The following PLCG2 variants were observed in gnomAD, a reference collection of about 807,000 sequenced individuals.
PLCG2 encodes 1-phosphatidylinositol 4,5-bisphosphate phosphodiesterase gamma-2.
In PLCG2, 69 loss-of-function variants were observed where a neutral mutation model predicts 175.6. The observed-to-expected ratio is 0.39, with a 90% CI of 0.32 to 0.48. PLCG2 has a LOEUF of 0.48. Among genes scored for constraint, PLCG2 ranks in the 20% least tolerant of loss-of-function variants. PLCG2 has a pLI of 0.91. For synonymous variants in PLCG2, 827 were observed against 624.0 expected (o/e 1.33, Z -4.85); for missense variants, 1,798 against 1,650.9 (o/e 1.09, Z -1.54).
At chr16:81,866,830 C>T (rs900626072) in intron 5 of PLCG2, among the ~76,000 whole-genome samples, 23 of 152,262 alleles carry the variant, frequency 1.5e-4, no homozygotes, top group African/African-American at 5.3e-4. Context: ...GCTCTGGTAG[C>T]GCCTGTTCCC....
chr16:81,926,858 T>A (rs1245338482), intron 22 of PLCG2, among the ~76,000 whole-genome samples: 1 of 152,218 alleles, frequency 6.6e-6, no homozygotes, highest in Non-Finnish European at 1.5e-5. Flanking sequence ...TAAGATCATG[T>A]GATGGGGGTA....
In PLCG2 at chr16:81,769,700, G is replaced by T. The variant is rs890203631; in HGVS notation, c.-48+13734G>T. On this transcript the variant is annotated intron_variant, in intron 2 of 5. Transcript: ENST00000565054. ...CCGGGCGTAGTGGCGGGCGCCTGTA[G>T]TCCCAGCTACTTGGGAGGCTGAGGC... is the stretch of plus-strand genomic sequence containing the variant. Among the ~76,000 whole-genome samples, 200 of 150,642 alleles carry T rather than the reference G, an allele frequency of 1.3e-3. 1 individual carries two copies. Among genetic ancestry groups the T allele is most frequent in the African/African-American group, 4.3e-3 (178 of 41,270 alleles).
rs571632866 is a variant in PLCG2 at position 81,781,091 on chromosome 16, A to G, written c.-48+1667A>G. 1.4e-4 allele frequency among the ~76,000 whole-genome samples: 21 copies of G among 148,250 alleles called. 1 individual carries two copies. The East Asian group carries it at 5.4e-3, about 38-fold the overall frequency. On this transcript the variant is annotated intron_variant, in intron 1 of 32. Coordinates refer to ENST00000564138, the MANE Select transcript of PLCG2 (RefSeq NM_002661.5). ...TTAATTTAGAAAACAGCAAGAACAC[A>G]AAGAGAAAAATTTGCCCGTTACATC...
At chr16:81,941,425 A>T (rs1910934258) in intron 30 of PLCG2, among the ~76,000 whole-genome samples, 1 of 152,206 alleles carries the variant, frequency 6.6e-6, no homozygotes, top group Admixed American at 6.5e-5. Context: ...ATCTTTAGGC[A>T]GCTCCCCAGA....
At chr16:81,754,534 C>G (rs903594449) in intron 1 of PLCG2, among the ~76,000 whole-genome samples, 3 of 141,352 alleles carry the variant, frequency 2.1e-5, no homozygotes, top group Non-Finnish European at 3.0e-5. Context: ...ATACCTTGTA[C>G]CAAGCTGGGT....
intron 24 of PLCG2, among the ~76,000 whole-genome samples, chr16:81,930,274 A>AT (rs1910445604): frequency 6.6e-6 from 1 of 152,220 alleles, no homozygotes; most frequent in African/African-American, 2.4e-5. Context: ...TATTTGGCAG[A>AT]TAAGTTTCCC....
intron 2 of PLCG2, among the ~76,000 whole-genome samples, chr16:81,773,750 C>T (rs894368266): frequency 2.0e-5 from 3 of 152,118 alleles, no homozygotes; most frequent in African/African-American, 7.2e-5. Context: ...CAGACTCACT[C>T]CTCCACAGCA....
intron 2 of PLCG2, among the ~76,000 whole-genome samples, chr16:81,820,348 G>A (rs1904739443): frequency 1.3e-5 from 2 of 152,046 alleles, no homozygotes; most frequent in Non-Finnish European, 2.9e-5. Flanking sequence ...CCTGCCCCAG[G>A]CCACCCCAAC....
chr16:81,780,849 A>G (rs1910697050), intron 1 of PLCG2, among the ~76,000 whole-genome samples: 1 of 152,186 alleles, frequency 6.6e-6, no homozygotes, highest in Admixed American at 6.5e-5. Flanking sequence ...CAACATGGTG[A>G]AACCCCATCT....
chr16:81,941,881 G>GA (rs1910956660), intron 30 of PLCG2, among the ~76,000 whole-genome samples: 1 of 151,930 alleles, frequency 6.6e-6, no homozygotes, highest in Non-Finnish European at 1.5e-5. Flanking sequence ...ATGTTGGTCT[G>GA]AAAAAAAGTG....
chr16:81,888,758 A>C (rs1908492797), intron 9 of PLCG2, among the ~76,000 whole-genome samples: 1 of 152,206 alleles, frequency 6.6e-6, no homozygotes, highest in Non-Finnish European at 1.5e-5. Flanking sequence ...TCATACTAAC[A>C]AACGTAAAGA....
chr16:81,898,513 A>G (rs1046056324), intron 13 of PLCG2: 1 of 152,174 alleles, frequency 6.6e-6, no homozygotes, highest in Non-Finnish European at 1.5e-5. Context: ...GAGCTGGAAC[A>G]TGGTTAAGGA....
intron 8 of PLCG2, among the ~76,000 whole-genome samples, chr16:81,882,637 ACTC>A (rs1908141795): frequency 6.7e-6 from 1 of 149,178 alleles, no homozygotes; most frequent in African/African-American, 2.5e-5. Context: ...CCTCGCTCCT[ACTC>A]CTCTTTCTTT....
At chr16:81,858,383 C>A in intron 4 of PLCG2, 27 bp downstream of exon 4, 2 of 1,478,062 alleles carry the variant, frequency 1.4e-6, no homozygotes, top group Non-Finnish European at 1.9e-6. Flanking sequence ...TGTTGATTTG[C>A]GTAGTTGCTG....
At chr16:81,875,704 C>G (rs1907748445) in intron 7 of PLCG2, among the ~76,000 whole-genome samples, 1 of 152,176 alleles carries the variant, frequency 6.6e-6, no homozygotes, top group Non-Finnish European at 1.5e-5. Flanking sequence ...CTGATCAAAC[C>G]TGTGAAGTCC....
At chr16:81,939,129 G>A (rs1206325795) in intron 29 of PLCG2, among the ~76,000 whole-genome samples, 1 of 152,094 alleles carries the variant, frequency 6.6e-6, no homozygotes, top group Admixed American at 6.6e-5. Context: ...TTGCCTGCCT[G>A]TAACTCAAGT....
At chr16:81,931,220 C>T (rs551532903) in intron 24 of PLCG2, 1 of 253,430 alleles carries the variant, frequency 3.9e-6, no homozygotes, top group Non-Finnish European at 7.5e-6. Flanking sequence ...AGATCCTTAA[C>T]CTAAGTACAT....
In PLCG2 at chr16:81,883,373, G is replaced by C. The variant is rs766599406; in HGVS notation, c.765+32G>C. ...GCACAAGGTGTGTGGGTGCCTGAGGGAGCTGGCGGGATGCTGCTGGGGACT... is the reference window on the plus strand; with the variant it reads ...GCACAAGGTGTGTGGGTGCCTGAGGCAGCTGGCGGGATGCTGCTGGGGACT... On this transcript the variant is annotated intron_variant, in intron 9 of 32. Transcript: ENST00000564138. 68 of 1,566,190 alleles carry C rather than the reference G, an allele frequency of 4.3e-5. 1 individual carries two copies. The highest frequency in any genetic ancestry group is 5.7e-5 in the Non-Finnish European group (65 of 1,137,364).
chr16:81,954,876 A>G (rs1243318277), intron 31 of PLCG2, among the ~76,000 whole-genome samples: 1 of 152,108 alleles, frequency 6.6e-6, no homozygotes, highest in Admixed American at 6.5e-5. Context: ...TGCTGGGTCA[A>G]ATGGTATTGC....
Sources: allele counts gnomAD v4.1 joint callset (sites outside exome capture counted in the v4.1 genomes callset), GRCh38; gene constraint gnomAD v4.1.1; transcripts MANE v1.5; gene names NCBI Gene and HGNC (gene_info 2026-07-23, HGNC 2026-07-21).